Variants in STK31 observed in about 807,000 individuals in gnomAD.
STK31 encodes serine/threonine kinase 31, also known as serine/threonine-protein kinase 31.
Under a neutral mutation model 129.7 loss-of-function variants are expected in STK31, and 89 were observed. The observed-to-expected ratio is 0.69, with a 90% confidence interval of 0.58 to 0.82. The LOEUF is 0.82. Among genes scored for constraint, STK31 ranks in the 40% least tolerant of loss-of-function variants. STK31 has a pLI of 0.00. For missense variants in STK31, 1,187 were observed against 1,176.4 expected, an observed-to-expected ratio of 1.01 and a Z score of -0.13; for synonymous variants, 448 against 395.3, an observed-to-expected ratio of 1.13 and a Z score of -1.58.
chr7:23,798,142 C>A (rs1234536305), intron 22 of STK31, among the ~76,000 whole-genome samples: 4 of 152,088 alleles, frequency 2.6e-5, no homozygotes, highest in Non-Finnish European at 1.5e-5. Flanking sequence ...CAGGACCAGA[C>A]AGATACACAG....
intron 11 of STK31, among the ~76,000 whole-genome samples, chr7:23,767,214 T>C (rs952223909): frequency 6.6e-6 from 1 of 152,182 alleles, no homozygotes; most frequent in Non-Finnish European, 1.5e-5. Context: ...AGTGGCTTAG[T>C]TTTTTATACT....
intron 22 of STK31, among the ~76,000 whole-genome samples, chr7:23,806,352 T>C (rs193282558): frequency 4.0e-4 from 61 of 152,316 alleles, no homozygotes; most frequent in African/African-American, 1.4e-3. Context: ...AATCCAAAAA[T>C]AAGAGACAAT....
chr7:23,825,057 G>C (rs375793440), intron 23 of STK31, among the ~76,000 whole-genome samples: 5,110 of 151,808 alleles, frequency 0.034, 121 homozygotes, highest in African/African-American at 0.063. Context: ...GTCTAAAATT[G>C]TCTTTTTTGG....
chr7:23,793,696 C>T (rs1313716015), intron 22 of STK31, among the ~76,000 whole-genome samples: 2 of 152,164 alleles, frequency 1.3e-5, no homozygotes, highest in African/African-American at 4.8e-5. Flanking sequence ...TACCACTATA[C>T]TACTCACTAT....
chr7:23,747,851 CT>C (rs936756437), intron 8 of STK31, among the ~76,000 whole-genome samples: 10 of 152,116 alleles, frequency 6.6e-5, no homozygotes, highest in African/African-American at 1.2e-4. Flanking sequence ...TGTCCTCTGT[CT>C]TTTTTTCCTT....
In STK31 at chr7:23,730,872, A is replaced by ATTT. The variant is rs1455690740; in HGVS notation, c.483+1624_483+1625insTTT. On this transcript the variant is annotated intron_variant, in intron 6 of 23. Transcript: ENST00000355870. Reference sequence around the variant, plus strand: ...TATAAACATTTATATATATATATATATATATATTTTTTTTTTTTTTTTTTG... The same window carrying ATTT: ...TATAAACATTTATATATATATATATATTTTATATATTTTTTTTTTTTTTTTTTG... 2.0e-3 allele frequency among the ~76,000 whole-genome samples: 111 copies of ATTT among 56,054 alleles called. 1 individual carries two copies. The highest frequency in any genetic ancestry group is 2.9e-3 in the Non-Finnish European group (79 of 27,530). 36.8% of individuals were successfully genotyped at this position (56,054 alleles called of 152,430 possible).
chr7:23,750,437 A>T (rs1480896672), intron 8 of STK31, among the ~76,000 whole-genome samples: 4 of 152,150 alleles, frequency 2.6e-5, no homozygotes, highest in Non-Finnish European at 5.9e-5. Flanking sequence ...CACTTTGTTC[A>T]GCTTTTTAAT....
At chr7:23,731,804 G>A (rs1014256619) in intron 6 of STK31, among the ~76,000 whole-genome samples, 2 of 152,282 alleles carry the variant, frequency 1.3e-5, no homozygotes. Context: ...TGGAATTTGT[G>A]TTTAACAATT....
chr7:23,728,170 A>T (rs1198575892), intron 5 of STK31, among the ~76,000 whole-genome samples: 3 of 141,536 alleles, frequency 2.1e-5, no homozygotes. Flanking sequence ...CTGTTTGGTG[A>T]CAGTTGCATA....
chr7:23,771,487 A>T (rs1790190271), intron 14 of STK31: 2 of 157,342 alleles, frequency 1.3e-5, no homozygotes, highest in African/African-American at 4.8e-5. Context: ...TATGTTTGTG[A>T]GCATATATAT....
At chr7:23,759,442 A>T (rs765151308) in intron 10 of STK31, among the ~76,000 whole-genome samples, 1 of 152,264 alleles carries the variant, frequency 6.6e-6, no homozygotes, top group Non-Finnish European at 1.5e-5. Context: ...CTCAGATCAC[A>T]GTGTAATCAA....
intron 21 of STK31, among the ~76,000 whole-genome samples, chr7:23,789,266 A>G (rs1201902806): frequency 6.6e-6 from 1 of 152,126 alleles, no homozygotes; most frequent in African/African-American, 2.4e-5. Context: ...GAGCTTTAGC[A>G]TACAATATTT....
chr7:23,814,680 A>C (rs371171210), intron 22 of STK31, among the ~76,000 whole-genome samples: 3 of 152,234 alleles, frequency 2.0e-5, no homozygotes, highest in African/African-American at 7.2e-5. Context: ...TGTGTATGTA[A>C]AAAATTCTCC....
At chr7:23,789,043 A>T (rs576327442) in intron 21 of STK31, among the ~76,000 whole-genome samples, 1 of 152,192 alleles carries the variant, frequency 6.6e-6, no homozygotes, top group Admixed American at 6.5e-5. Context: ...TCTCATGTAA[A>T]TGGAATGATA....
intron 23 of STK31, 26 bp downstream of exon 23, chr7:23,815,238 G>T: frequency 1.4e-6 from 2 of 1,480,630 alleles, no homozygotes; most frequent in South Asian, 1.3e-5. Flanking sequence ...GACATTTACT[G>T]GTTTGAAACA....
chr7:23,808,591 A>G (rs1792869738), intron 22 of STK31, among the ~76,000 whole-genome samples: 1 of 152,014 alleles, frequency 6.6e-6, no homozygotes, highest in African/African-American at 2.4e-5. Flanking sequence ...CCCTGTTCTG[A>G]GTCCCACTGA....
chr7:23,787,424 C>G (rs1025253185), intron 20 of STK31, among the ~76,000 whole-genome samples: 2 of 152,080 alleles, frequency 1.3e-5, no homozygotes, highest in African/African-American at 4.8e-5. Flanking sequence ...CAGGTGTCCT[C>G]AGACCCCAGG....
At chr7:23,813,118 A>G (rs1331626829) in intron 22 of STK31, among the ~76,000 whole-genome samples, 1 of 116,634 alleles carries the variant, frequency 8.6e-6, no homozygotes, top group Non-Finnish European at 1.7e-5. Context: ...CTCTCTGATC[A>G]GGCTGAGCAG....
chr7:23,806,359 C>T (rs542435842), intron 22 of STK31, among the ~76,000 whole-genome samples: 1 of 152,256 alleles, frequency 6.6e-6, no homozygotes, highest in Admixed American at 6.5e-5. Context: ...AAATAAGAGA[C>T]AATGGGAAAG....
Sources: allele counts gnomAD v4.1 joint callset (sites outside exome capture counted in the v4.1 genomes callset), GRCh38; gene constraint gnomAD v4.1.1; transcripts MANE v1.5; gene names NCBI Gene and HGNC (gene_info 2026-07-23, HGNC 2026-07-21).